The following PCDH15 variants were observed in gnomAD, a reference collection of about 807,000 sequenced individuals.
PCDH15 encodes the protein protocadherin-15.
A neutral mutation model predicts 178.5 loss-of-function variants in PCDH15; 129 were observed. The ratio of observed to expected loss-of-function variants is 0.72; its 90% CI spans 0.63 to 0.84. The LOEUF is 0.84. Among genes scored for constraint, PCDH15 ranks in the 40% least tolerant of loss-of-function variants. The pLI, the probability that PCDH15 is intolerant of heterozygous loss-of-function variation, is 0.00. For missense variants in PCDH15, 2,230 were observed against 2,099.9 expected (o/e 1.06, Z -1.21); for synonymous variants, 800 against 732.0 (o/e 1.09, Z -1.50).
intron 8 of PCDH15, among the ~76,000 whole-genome samples, chr10:54,239,245 A>G (rs2054972212): frequency 6.6e-6 from 1 of 152,008 alleles, no homozygotes; most frequent in African/African-American, 2.4e-5. Flanking sequence ...AATGTAGTAT[A>G]AAATATTCTT....
chr10:53,961,665 G>C, intron 22 of PCDH15, 87 bp downstream of exon 22: 1 of 1,002,522 alleles, frequency 1.0e-6, no homozygotes, highest in South Asian at 3.0e-5. Flanking sequence ...AAAATTGAAA[G>C]AAAAAAATGT....
chr10:55,097,327 G>A (rs1219453229), intron 2 of PCDH15, among the ~76,000 whole-genome samples: 2 of 152,022 alleles, frequency 1.3e-5, no homozygotes. Context: ...ATAAATTAAA[G>A]CTTAAGAAGT....
intron 8 of PCDH15, among the ~76,000 whole-genome samples, chr10:54,273,722 C>T (rs1181969311): frequency 2.6e-5 from 4 of 152,124 alleles, no homozygotes; most frequent in South Asian, 2.1e-4. Flanking sequence ...AGTACAGTCC[C>T]GGATGGGTGA....
At chr10:54,266,710 T>C (rs892574457) in intron 8 of PCDH15, among the ~76,000 whole-genome samples, 3 of 151,836 alleles carry the variant, frequency 2.0e-5, no homozygotes, top group Non-Finnish European at 4.4e-5. Context: ...GAGAAATGGA[T>C]ACCTTCCTGG....
chr10:54,539,688 C>T (rs959019390), intron 2 of PCDH15, among the ~76,000 whole-genome samples: 6 of 152,170 alleles, frequency 3.9e-5, no homozygotes, highest in African/African-American at 1.4e-4. Context: ...TTCCTCTCAT[C>T]TGCACACAGA....
intron 3 of PCDH15, among the ~76,000 whole-genome samples, chr10:54,488,507 A>C (rs2079301399): frequency 6.6e-6 from 1 of 151,922 alleles, no homozygotes; most frequent in Non-Finnish European, 1.5e-5. Context: ...TCATTAGCAT[A>C]GCTGTAGTGT....
At chr10:53,962,706 G>A (rs188513145) in intron 21 of PCDH15, among the ~76,000 whole-genome samples, 7 of 152,258 alleles carry the variant, frequency 4.6e-5, no homozygotes, top group Admixed American at 4.6e-4. Context: ...GCCAAGATAA[G>A]TTGGGACACC....
At chr10:53,918,894 T>C (rs1268442417) in intron 25 of PCDH15, among the ~76,000 whole-genome samples, 1 of 152,210 alleles carries the variant, frequency 6.6e-6, no homozygotes, top group African/African-American at 2.4e-5. Context: ...AATTAAGACG[T>C]AGCAGGTCTG....
chr10:54,124,282 C>T (rs1045456761), intron 15 of PCDH15, among the ~76,000 whole-genome samples: 3 of 152,112 alleles, frequency 2.0e-5, no homozygotes, highest in Admixed American at 1.3e-4. Flanking sequence ...GTAGCTATAA[C>T]AGTCAAATTA....
At chr10:55,559,141 C>T (rs1358531620) in intron 2 of PCDH15, among the ~76,000 whole-genome samples, 1 of 151,998 alleles carries the variant, frequency 6.6e-6, no homozygotes, top group Non-Finnish European at 1.5e-5. Flanking sequence ...ACATCTCACA[C>T]AGCACTTTGT....
intron 1 of PCDH15, among the ~76,000 whole-genome samples, chr10:54,787,440 TCAA>T (rs1566253364): frequency 1.3e-5 from 2 of 152,000 alleles, no homozygotes; most frequent in East Asian, 3.9e-4. Flanking sequence ...TATGTGATAG[TCAA>T]CAATAGTGTC....
rs1267816126 is a variant in PCDH15 at position 54,023,136 on chromosome 10, T to C, written c.2282A>G (p.Asn761Ser). The C allele has an allele frequency of 1.2e-6, 2 of 1,613,750 alleles. No homozygotes were observed. The highest frequency in any genetic ancestry group is 1.7e-5 in the Admixed American group (1 of 59,932). The change falls in exon 19 of 38, where the codon AAT becomes AGT. Residue 761 changes from asparagine (N) to serine (S), a missense_variant. Transcript: ENST00000644397. ...CCCATTGGATGTGATACGAAAAAGATTATTAAAGTTACCCAAACTGTAGTG... is the reference window on the plus strand; with the variant it reads ...CCCATTGGATGTGATACGAAAAAGACTATTAAAGTTACCCAAACTGTAGTG... The part of the protein sequence containing the change: ...QVHYSLGNFN[N>S]LFRITSNGSI...
At chr10:54,054,632 G>A (rs1325887183) in intron 18 of PCDH15, among the ~76,000 whole-genome samples, 1 of 152,040 alleles carries the variant, frequency 6.6e-6, no homozygotes, top group East Asian at 1.9e-4. Flanking sequence ...TGCTAAAGGG[G>A]TAGGCCCTAA....
chr10:55,139,138 C>T (rs1838280712), intron 2 of PCDH15, among the ~76,000 whole-genome samples: 1 of 151,626 alleles, frequency 6.6e-6, no homozygotes, highest in Non-Finnish European at 1.5e-5. Context: ...GGAATGCCTC[C>T]TTATATATTT....
chr10:55,352,916 T>C (rs1844976989), intron 2 of PCDH15, among the ~76,000 whole-genome samples: 1 of 152,070 alleles, frequency 6.6e-6, no homozygotes, highest in South Asian at 2.1e-4. Context: ...AACCATTACA[T>C]CTGAAAGTAT....
At chr10:54,523,742 C>A (rs1475560154) in intron 3 of PCDH15, among the ~76,000 whole-genome samples, 2 of 152,082 alleles carry the variant, frequency 1.3e-5, no homozygotes, top group East Asian at 3.9e-4. Flanking sequence ...GCACTCTATT[C>A]AAAAGTGAAG....
intron 26 of PCDH15, among the ~76,000 whole-genome samples, chr10:53,888,297 T>TATATATATATATATATAA (rs2081253446): frequency 1.4e-5 from 1 of 73,616 alleles, no homozygotes; most frequent in African/African-American, 5.4e-5. Flanking sequence ...TATACATATA[T>TATATATATATATATATAA]ATATATATAT....
chr10:54,540,241 T>G (rs1306168893), intron 2 of PCDH15, among the ~76,000 whole-genome samples: 1 of 152,096 alleles, frequency 6.6e-6, no homozygotes, highest in Non-Finnish European at 1.5e-5. Context: ...GAATAAGATC[T>G]ATAGACCACT....
chr10:54,086,727 A>G (rs943411811), intron 16 of PCDH15, among the ~76,000 whole-genome samples: 1 of 152,192 alleles, frequency 6.6e-6, no homozygotes, highest in Admixed American at 6.5e-5. Context: ...AAGAATGATC[A>G]TCAAAAGGGA....
Sources: allele counts gnomAD v4.1 joint callset (sites outside exome capture counted in the v4.1 genomes callset), GRCh38; gene constraint gnomAD v4.1.1; transcripts MANE v1.5; gene names NCBI Gene and HGNC (gene_info 2026-07-23, HGNC 2026-07-21).